The following ATOSA variants were observed in gnomAD, a reference collection of about 807,000 sequenced individuals.
ATOSA encodes atos homolog A.
the ATOSA span, among the ~76,000 whole-genome samples, chr15:52,700,180 A>G: frequency 6.6e-6 from 1 of 152,214 alleles, no homozygotes; most frequent in African/African-American, 2.4e-5. Context: ...CTTCTTGGTG[A>G]GACTTTACAT....
chr15:52,671,328 T>A, the ATOSA span, among the ~76,000 whole-genome samples: 2 of 152,118 alleles, frequency 1.3e-5, no homozygotes, highest in African/African-American at 4.8e-5. Flanking sequence ...TTCAAACCAA[T>A]CCCTAAATTG....
chr15:52,661,789 C>T, the ATOSA span, among the ~76,000 whole-genome samples: 1 of 152,186 alleles, frequency 6.6e-6, no homozygotes, highest in Non-Finnish European at 1.5e-5. Flanking sequence ...ATTCAATCAA[C>T]ACAATAATTA....
chr15:52,609,411 T>C, the ATOSA span: 1 of 1,613,826 alleles, frequency 6.2e-7, no homozygotes, highest in Non-Finnish European at 8.5e-7. Flanking sequence ...GGGGGATATG[T>C]GATGCTGTTG....
chr15:52,679,782 CCTCCTCCTCCT>C, the ATOSA span, among the ~76,000 whole-genome samples: 19 of 118,362 alleles, frequency 1.6e-4, no homozygotes, highest in South Asian at 6.4e-4. Flanking sequence ...TCCTCCTCCT[CCTCCTCCTCCT>C]CCCCCCTCCC....
the ATOSA span, chr15:52,651,848 T>TAA: frequency 6.5e-7 from 1 of 1,534,862 alleles, no homozygotes; most frequent in East Asian, 2.4e-5. Flanking sequence ...ATAAAGCCGT[T>TAA]AAAAAACACT....
the ATOSA span, among the ~76,000 whole-genome samples, chr15:52,654,278 T>G: frequency 3.9e-5 from 6 of 152,192 alleles, no homozygotes; most frequent in Non-Finnish European, 8.8e-5. Flanking sequence ...CTTAAAAACT[T>G]AAATCCAACT....
the ATOSA span, among the ~76,000 whole-genome samples, chr15:52,598,881 T>G: frequency 6.6e-6 from 1 of 152,094 alleles, no homozygotes; most frequent in Non-Finnish European, 1.5e-5. Context: ...AACAGTAGGT[T>G]CTTACGAGAT....
the ATOSA span, chr15:52,585,469 A>C: frequency 6.6e-6 from 1 of 152,290 alleles, no homozygotes; most frequent in Non-Finnish European, 1.5e-5. Context: ...TATAAAATTT[A>C]AAATAGGTGC....
the ATOSA span, among the ~76,000 whole-genome samples, chr15:52,604,395 T>C: frequency 5.9e-5 from 9 of 152,276 alleles, no homozygotes; most frequent in Non-Finnish European, 1.2e-4. Context: ...TTTTTGAACA[T>C]ACGCGAGATA....
the ATOSA span, chr15:52,608,947 T>A: frequency 1.2e-6 from 2 of 1,609,456 alleles, no homozygotes; most frequent in Admixed American, 1.7e-5. Context: ...TTTTTCCTTA[T>A]ACTTATTTGT....
chr15:52,611,171 C>T, the ATOSA span: 1 of 1,613,892 alleles, frequency 6.2e-7, no homozygotes, highest in East Asian at 2.2e-5. Context: ...GAGAAACACT[C>T]AGCCATGCAC....
the ATOSA span, among the ~76,000 whole-genome samples, chr15:52,654,598 G>C: frequency 1.3e-5 from 2 of 152,212 alleles, no homozygotes; most frequent in South Asian, 4.1e-4. Context: ...CACTTAGCAT[G>C]GTCGTTAAGT....
At chr15:52,583,925 G>A in the ATOSA span, among the ~76,000 whole-genome samples, 2 of 151,754 alleles carry the variant, frequency 1.3e-5, no homozygotes, top group Non-Finnish European at 2.9e-5. Context: ...GGACTTGAGT[G>A]TACAGCTCAC....
the ATOSA span, among the ~76,000 whole-genome samples, chr15:52,704,259 G>C: frequency 2.0e-5 from 3 of 152,114 alleles, no homozygotes; most frequent in Non-Finnish European, 4.4e-5. Flanking sequence ...TTGGGGAGAG[G>C]ATTCCTTATT....
chr15:52,679,785 CCTCCT>C, the ATOSA span, among the ~76,000 whole-genome samples: 1 of 101,838 alleles, frequency 9.8e-6, no homozygotes, highest in African/African-American at 3.8e-5. Flanking sequence ...TCCTCCTCCT[CCTCCT>C]CCTCCCCCCT....
the ATOSA span, chr15:52,609,017 T>C: frequency 3.7e-6 from 6 of 1,613,404 alleles, no homozygotes; most frequent in Non-Finnish European, 5.1e-6. Flanking sequence ...CCATTGCTCA[T>C]TTCTTGCTCC....
chr15:52,659,479 G>A, the ATOSA span, among the ~76,000 whole-genome samples: 2 of 152,112 alleles, frequency 1.3e-5, no homozygotes, highest in Non-Finnish European at 2.9e-5. Context: ...TGGGTGTTTG[G>A]TAGAAACATT....
chr15:52,690,591 C>A, the ATOSA span, among the ~76,000 whole-genome samples: 1 of 152,200 alleles, frequency 6.6e-6, no homozygotes, highest in African/African-American at 2.4e-5. Flanking sequence ...AAACCATAAA[C>A]TGTTAAGTAG....
chr15:52,637,565 G>C, the ATOSA span, among the ~76,000 whole-genome samples: 1 of 152,026 alleles, frequency 6.6e-6, no homozygotes, highest in Non-Finnish European at 1.5e-5. Context: ...ATACTACTAA[G>C]GCCATCATCT....
Sources: gnomAD v4.1 joint callset for allele counts (sites outside exome capture counted in the v4.1 genomes callset) on GRCh38, gnomAD v4.1.1 for gene constraint, MANE v1.5 for transcripts, NCBI Gene and HGNC (gene_info 2026-07-23, HGNC 2026-07-21) for gene names.